The following ACYP2 variants were observed in gnomAD, a reference collection of about 807,000 sequenced individuals.
ACYP2 encodes the protein acylphosphatase-2.
ACYP2 carries 12 observed loss-of-function variants against 11.2 expected under a neutral mutation model. That is an observed-to-expected ratio of 1.08 (90% CI 0.69 to 1.74). The LOEUF is 1.74. ACYP2 is among the 40% of genes most tolerant of loss of function. The pLI, the probability that ACYP2 is intolerant of heterozygous loss-of-function variation, is 0.00. For synonymous variants in ACYP2, 43 were observed against 32.2 expected, an observed-to-expected ratio of 1.33 and a Z score of -1.13; for missense variants, 134 against 101.9, an observed-to-expected ratio of 1.31 and a Z score of -1.35.
At chr2:54,278,641 C>A (rs1186884745) in intron 6 of ACYP2, among the ~76,000 whole-genome samples, 2 of 152,034 alleles carry the variant, frequency 1.3e-5, no homozygotes, top group African/African-American at 4.8e-5. Flanking sequence ...GACAGTTTGC[C>A]GATTCTGCTT....
intron 2 of ACYP2, among the ~76,000 whole-genome samples, chr2:53,998,705 G>T (rs1294966801): frequency 6.6e-6 from 1 of 152,196 alleles, no homozygotes; most frequent in South Asian, 2.1e-4. Context: ...ATTCCCAGCT[G>T]CTTGAGAGGC....
intron 4 of ACYP2, among the ~76,000 whole-genome samples, chr2:54,095,639 G>T (rs1678503518): frequency 6.9e-6 from 1 of 145,956 alleles, no homozygotes; most frequent in Non-Finnish European, 1.5e-5. Context: ...CTCCCAGATG[G>T]GGCGGCTGGC....
At chr2:53,991,178 T>C (rs1428603160) in intron 2 of ACYP2, among the ~76,000 whole-genome samples, 3 of 152,204 alleles carry the variant, frequency 2.0e-5, no homozygotes, top group Non-Finnish European at 4.4e-5. Flanking sequence ...CATCAGATGT[T>C]GTGATTTTAT....
Position 54,054,968 on chromosome 2 carries a change from C to T in ACYP2, c.156-2271C>T, listed in dbSNP as rs537288810. On this transcript the variant is annotated intron_variant, in intron 3 of 6. Coordinates refer to ENST00000607452, the MANE Select transcript of ACYP2 (RefSeq NM_001320586.2). The stretch of plus-strand genomic sequence containing the variant: ...GTTGTATTTTAATTCTCTGGCTTTA[C>T]GTAAATATTTACTTACTAACTTTTC... Among the ~76,000 whole-genome samples, 29 of 152,274 alleles carry T rather than the reference C, an allele frequency of 1.9e-4. No homozygotes were observed. In the South Asian group the frequency reaches 3.5e-3, roughly 19 times the overall value.
intron 2 of ACYP2, among the ~76,000 whole-genome samples, chr2:53,997,604 C>A (rs1047252919): frequency 1.3e-5 from 2 of 152,122 alleles, no homozygotes; most frequent in African/African-American, 4.8e-5. Context: ...CCGCACCCGG[C>A]CATATTTTTC....
chr2:53,978,954 T>G (rs1332506469), intron 2 of ACYP2, among the ~76,000 whole-genome samples: 1 of 151,882 alleles, frequency 6.6e-6, no homozygotes, highest in Non-Finnish European at 1.5e-5. Flanking sequence ...GCATATACAC[T>G]CATACAGCAC....
chr2:54,008,154 G>C (rs1673176435), intron 2 of ACYP2, among the ~76,000 whole-genome samples: 1 of 152,198 alleles, frequency 6.6e-6, no homozygotes, highest in African/African-American at 2.4e-5. Flanking sequence ...ACTACCATGT[G>C]CTCTGAGGCT....
chr2:54,269,158 G>C (rs1274623886), intron 6 of ACYP2, among the ~76,000 whole-genome samples: 1 of 152,140 alleles, frequency 6.6e-6, no homozygotes, highest in African/African-American at 2.4e-5. Context: ...ATGTTGCCCA[G>C]GCTAGTCTTG....
At chr2:53,997,835 G>T (rs560484640) in intron 2 of ACYP2, among the ~76,000 whole-genome samples, 6 of 152,058 alleles carry the variant, frequency 3.9e-5, no homozygotes, top group Non-Finnish European at 8.8e-5. Flanking sequence ...AATACATTGG[G>T]AAATGAAAAA....
intron 2 of ACYP2, among the ~76,000 whole-genome samples, chr2:54,018,231 C>G (rs1011635593): frequency 6.6e-6 from 1 of 152,156 alleles, no homozygotes; most frequent in African/African-American, 2.4e-5. Flanking sequence ...CTGAGCCCCT[C>G]CCCCAGAGTT....
At chr2:53,975,501 T>G in intron 2 of ACYP2, 1 of 376,886 alleles carries the variant, frequency 2.7e-6, no homozygotes, top group Non-Finnish European at 4.7e-6. Flanking sequence ...TTGTTATCTC[T>G]TGAAGGTCAG....
intron 4 of ACYP2, among the ~76,000 whole-genome samples, chr2:54,087,962 C>T (rs896308630): frequency 2.0e-5 from 3 of 152,148 alleles, no homozygotes; most frequent in East Asian, 3.8e-4. Flanking sequence ...GATGGGAGAA[C>T]TTTTTGGAGG....
chr2:54,250,330 C>G (rs950126597), intron 6 of ACYP2, among the ~76,000 whole-genome samples: 2 of 151,928 alleles, frequency 1.3e-5, no homozygotes, highest in African/African-American at 2.4e-5. Context: ...TACTTTAGCT[C>G]GGCGTGGTGG....
chr2:54,232,452 T>C (rs1686277080), intron 6 of ACYP2, among the ~76,000 whole-genome samples: 1 of 151,804 alleles, frequency 6.6e-6, no homozygotes, highest in African/African-American at 2.4e-5. Flanking sequence ...AGAGGAATGG[T>C]GTTACATTGC....
At chr2:53,985,524 T>G (rs1002072601) in intron 2 of ACYP2, among the ~76,000 whole-genome samples, 5 of 152,192 alleles carry the variant, frequency 3.3e-5, no homozygotes, top group Non-Finnish European at 7.3e-5. Context: ...AGATATCTAC[T>G]TAAATGTTCA....
At position 54,219,767 on chromosome 2, in the gene ACYP2, C is replaced by T. The variant is rs189220290; in HGVS notation, c.404+81019C>T. 2.7e-4 allele frequency among the ~76,000 whole-genome samples: 41 copies of T among 150,488 alleles called. 1 individual carries two copies. The highest frequency in any genetic ancestry group is 1.4e-3 in the Admixed American group (21 of 15,108). On this transcript the variant is annotated intron_variant, in intron 6 of 6. Transcript: ENST00000607452. ...CCAAGTGGCTGGGATTACAGGTGTG[C>T]GCCACCACACCCAGCTAATTTTTAT... is the stretch of plus-strand genomic sequence containing the variant.
intron 2 of ACYP2, among the ~76,000 whole-genome samples, chr2:54,017,791 G>A (rs1673780987): frequency 6.6e-6 from 1 of 151,776 alleles, no homozygotes; most frequent in Admixed American, 6.6e-5. Flanking sequence ...TGTATTACGT[G>A]TGTGTGGGTT....
intron 6 of ACYP2, among the ~76,000 whole-genome samples, chr2:54,216,960 G>A (rs371802802): frequency 6.6e-6 from 1 of 152,158 alleles, no homozygotes; most frequent in African/African-American, 2.4e-5. Context: ...ATGATTACTA[G>A]TGCAAATATA....
At chr2:54,302,975 G>A (rs545782338) in intron 6 of ACYP2, among the ~76,000 whole-genome samples, 1 of 152,232 alleles carries the variant, frequency 6.6e-6, no homozygotes, top group South Asian at 2.1e-4. Flanking sequence ...ATCAATAACT[G>A]GGGGCAATAA....
Sources: gnomAD v4.1 joint callset for allele counts (sites outside exome capture counted in the v4.1 genomes callset) on GRCh38, gnomAD v4.1.1 for gene constraint, MANE v1.5 for transcripts, NCBI Gene and HGNC (gene_info 2026-07-23, HGNC 2026-07-21) for gene names.